Variants in EXT2 observed in about 807,000 individuals in gnomAD.
EXT2 encodes the protein exostosin-2.
EXT2 carries 53 observed loss-of-function variants against 81.6 expected under a neutral mutation model. That is an observed-to-expected ratio of 0.65 (90% confidence interval 0.52 to 0.82). The LOEUF (loss-of-function observed/expected upper bound fraction) is 0.82, where lower values mean the gene tolerates loss of function less well. Among genes scored for constraint, EXT2 ranks in the 40% least tolerant of loss-of-function variants. The pLI is 0.00. For synonymous variants in EXT2, 320 were observed against 340.0 expected (o/e 0.94, Z 0.65); for missense variants, 774 against 910.2 (o/e 0.85, Z 1.93).
chr11:44,176,200 G>A (rs747613429), intron 8 of EXT2, among the ~76,000 whole-genome samples: 1 of 152,176 alleles, frequency 6.6e-6, no homozygotes, highest in Non-Finnish European at 1.5e-5. Context: ...GACCCAGACA[G>A]AAAGTACAGC....
chr11:44,184,155 T>A (rs2135154476), intron 8 of EXT2, among the ~76,000 whole-genome samples: 1 of 152,340 alleles, frequency 6.6e-6, no homozygotes, highest in East Asian at 1.9e-4. Flanking sequence ...CAAACCTGCA[T>A]GAGCCCCAGC....
Position 44,247,963 on chromosome 11 carries a change from A to G in EXT2, c.*3676A>G, listed in dbSNP as rs1407409938. Among the ~76,000 whole-genome samples the G allele has an allele frequency of 1.3e-5, 2 of 152,210 alleles. No individual in the cohort carries two copies. The highest frequency in any genetic ancestry group is 4.8e-5 in the African/African-American group (2 of 41,458). ...AGCCAAGATAGTAATCAGAAAGTAG[A>G]TGAAGCAGAGACTGGGTTTGGGAAG... On this transcript the variant is annotated 3_prime_UTR_variant, in exon 14 of 14. Transcript: ENST00000533608.
intron 9 of EXT2, among the ~76,000 whole-genome samples, chr11:44,204,328 T>G (rs762596522): frequency 6.6e-6 from 1 of 152,260 alleles, no homozygotes; most frequent in Non-Finnish European, 1.5e-5. Flanking sequence ...TATATTTTCA[T>G]GTTTTAAAAT....
At position 44,114,343 on chromosome 11, in the gene EXT2, C is replaced by T. The variant is rs1038794887; in HGVS notation, c.743+42C>T. On this transcript the variant is annotated intron_variant, in intron 4 of 13. Transcript: ENST00000533608. ...CCAGCCAGGTGTGCCTTTACTGAAT[C>T]TGTGAGATGTTGATGAGGTTTAGTG... 3.2e-6 allele frequency: 5 copies of T among 1,552,738 alleles called. No homozygotes were observed. The African/African-American group carries it at 6.8e-5, about 21-fold the overall frequency.
chr11:44,152,193 G>T (rs1954800853), intron 7 of EXT2, among the ~76,000 whole-genome samples: 1 of 151,986 alleles, frequency 6.6e-6, no homozygotes, highest in Non-Finnish European at 1.5e-5. Context: ...GACATTATTT[G>T]TTGCACATCA....
At chr11:44,187,473 T>G (rs573554440) in intron 8 of EXT2, among the ~76,000 whole-genome samples, 5 of 152,118 alleles carry the variant, frequency 3.3e-5, no homozygotes, top group Non-Finnish European at 5.9e-5. Context: ...TCTCTTTGAA[T>G]TTCATTATTC....
At chr11:44,133,311 A>C (rs796812361) in intron 7 of EXT2, among the ~76,000 whole-genome samples, 117 of 152,314 alleles carry the variant, frequency 7.7e-4, no homozygotes, top group African/African-American at 2.7e-3. Flanking sequence ...CTGATTCTGA[A>C]AAGTTCTTAT....
intron 6 of EXT2, among the ~76,000 whole-genome samples, chr11:44,129,130 G>A (rs1385017141): frequency 6.6e-6 from 1 of 152,172 alleles, no homozygotes; most frequent in Admixed American, 6.5e-5. Flanking sequence ...CCATCATCAA[G>A]TCTTCCCTCA....
At chr11:44,242,853 T>C (rs1226365594) in intron 13 of EXT2, among the ~76,000 whole-genome samples, 1 of 152,200 alleles carries the variant, frequency 6.6e-6, no homozygotes, top group Non-Finnish European at 1.5e-5. Context: ...TTTCTAGTTA[T>C]TTGACCTTTG....
intron 7 of EXT2, among the ~76,000 whole-genome samples, chr11:44,143,279 T>C (rs1174869765): frequency 6.6e-6 from 1 of 152,212 alleles, no homozygotes; most frequent in Non-Finnish European, 1.5e-5. Flanking sequence ...TTAGAAACTA[T>C]AGAAGAGAAG....
intron 8 of EXT2, among the ~76,000 whole-genome samples, chr11:44,185,120 AAG>A (rs1218726566): frequency 6.6e-6 from 1 of 152,158 alleles, no homozygotes; most frequent in African/African-American, 2.4e-5. Flanking sequence ...ATAGGCCTTC[AAG>A]GGATCTGGTT....
At position 44,124,798 on chromosome 11, in the gene EXT2, A is replaced by G. The variant is rs1310756667; in HGVS notation, c.753A>G (p.Gln251=). 5.0e-6 allele frequency: 8 copies of G among 1,613,982 alleles called. No homozygotes were observed. The highest frequency in any genetic ancestry group is 6.8e-6 in the Non-Finnish European group (8 of 1,180,030). ...DLPEKGPGPR[Q]YFLLSSQVGL... ...TTTTTTTCCCTTGTAGTCCACGGCA[A>G]TACTTCCTCCTGTCATCTCAGGTGG... The change falls in exon 5 of 14, where the codon CAA becomes CAG. Residue 251 remains glutamine (Q), a synonymous_variant. Coordinates refer to ENST00000533608, the MANE Select transcript of EXT2 (RefSeq NM_207122.2).
intron 4 of EXT2, among the ~76,000 whole-genome samples, chr11:44,115,443 A>G (rs1954208955): frequency 6.6e-6 from 1 of 152,192 alleles, no homozygotes; most frequent in Non-Finnish European, 1.5e-5. Context: ...GGCTGACAAC[A>G]TGAATGTGCA....
chr11:44,171,773 G>T, intron 8 of EXT2, 31 bp downstream of exon 8: 2 of 1,613,248 alleles, frequency 1.2e-6, no homozygotes, highest in East Asian at 2.2e-5. Flanking sequence ...GCCACATGAG[G>T]CATGGTCCAG....
Position 44,124,952 on chromosome 11 carries a change from C to A in EXT2, c.907C>A (p.His303Asn). The A allele has an allele frequency of 1.2e-6, 2 of 1,613,588 alleles. No homozygotes were observed. Among genetic ancestry groups the A allele is most frequent in the Non-Finnish European group, 1.7e-6 (2 of 1,180,034 alleles). The change falls in exon 5 of 14, where the codon CAC (histidine) becomes AAC (asparagine). Residue 303 changes from histidine (H) to asparagine (N), a missense_variant. His to Asn is a moderately conservative substitution (Grantham distance 68). Around this residue, in one of 2 missense-constraint regions of EXT2, gnomAD observed 626 missense variants for 670.5 expected, o/e 0.93. Coordinates refer to ENST00000533608, the MANE Select transcript of EXT2 (RefSeq NM_207122.2). ...TTCTGTCCGTAAGCGCTGCCACAAG[C>A]ACCAGGTCTTCGATTACCCACAGGT... ...VLSVRKRCHK[H>N]QVFDYPQVLQ...
intron 10 of EXT2, among the ~76,000 whole-genome samples, 186 bp from the exon 11 acceptor site, chr11:44,232,165 ATC>A (rs1256860282): frequency 1.3e-5 from 2 of 152,182 alleles, no homozygotes; most frequent in East Asian, 3.9e-4. Context: ...CAGAATCAGC[ATC>A]TGTCTTTGAG....
intron 10 of EXT2, among the ~76,000 whole-genome samples, chr11:44,223,565 C>G (rs1955804620): frequency 6.6e-6 from 1 of 152,074 alleles, no homozygotes; most frequent in South Asian, 2.1e-4. Context: ...ATTTATATAA[C>G]CTCCTTGAAA....
intron 4 of EXT2, chr11:44,116,547 C>G (rs757359749): frequency 1.3e-5 from 2 of 152,182 alleles, no homozygotes; most frequent in African/African-American, 2.4e-5. Flanking sequence ...CTGGGTCATA[C>G]GGTAGCTCTA....
In EXT2 at chr11:44,220,212, A is replaced by G. The variant is rs908793320; in HGVS notation, c.1663-12141A>G. Among the ~76,000 whole-genome samples the G allele has an allele frequency of 6.6e-6, 1 of 152,174 alleles. No homozygotes were observed. Among genetic ancestry groups the G allele is most frequent in the Non-Finnish European group, 1.5e-5 (1 of 68,030 alleles). On this transcript the variant is annotated intron_variant, in intron 10 of 13. Transcript: ENST00000533608. This position sits in a 1 kb window ranked among gnomAD's most constrained non-coding sequence, Gnocchi z 4.4. ...GTGCTAGGTCTGACACTAAAGCTTT[A>G]CAGTGTAACTAGGACCAGTTTGCCA...
Sources: gnomAD v4.1 joint callset for allele counts (sites outside exome capture counted in the v4.1 genomes callset) on GRCh38, gnomAD v4.1.1 for gene constraint, gnomAD v4.1.1 regional missense constraint, Gnocchi (gnomAD v3.1) non-coding constraint, MANE v1.5 for transcripts, NCBI Gene and HGNC (gene_info 2026-07-23, HGNC 2026-07-21) for gene names.